The following FARSB variants were observed in gnomAD, a reference collection of about 807,000 sequenced individuals.
FARSB encodes the protein phenylalanine--tRNA ligase beta subunit.
In FARSB, 40 loss-of-function variants were observed where a neutral mutation model predicts 69.6. That is an observed-to-expected ratio of 0.57 (90% CI 0.45 to 0.75). The LOEUF is 0.75. FARSB is among the 30% of genes least tolerant of loss of function. FARSB has a pLI of 0.00. For missense variants in FARSB, 632 were observed against 722.9 expected, an observed-to-expected ratio of 0.87 and a Z score of 1.44; for synonymous variants, 235 against 247.2, an observed-to-expected ratio of 0.95 and a Z score of 0.46.
At chr2:222,649,291 G>GA (rs1304805436) in intron 1 of FARSB, among the ~76,000 whole-genome samples, 5 of 70,156 alleles carry the variant, frequency 7.1e-5, no homozygotes, top group Admixed American at 5.9e-4. Context: ...ATAAAAAAAA[G>GA]AAAAAACTAT....
chr2:222,654,106 C>T (rs1292211837), intron 1 of FARSB, among the ~76,000 whole-genome samples: 1 of 152,144 alleles, frequency 6.6e-6, no homozygotes, highest in Non-Finnish European at 1.5e-5. Flanking sequence ...GAAATGGAGA[C>T]TGGGATGGGA....
chr2:222,603,820 G>T (rs1284403021), intron 15 of FARSB, among the ~76,000 whole-genome samples: 1 of 151,112 alleles, frequency 6.6e-6, no homozygotes, highest in Non-Finnish European at 1.5e-5. Flanking sequence ...TAAAACCCAT[G>T]CTCTTTCCAC....
Position 222,643,016 on chromosome 2 carries a change from C to A in FARSB, c.115-11G>T. ...TTCCTTCTCAGATGTCTAAAACAAG[C>A]CAAAAAGTAATGATAAAAATTAAAT... On this transcript the variant is annotated splice_polypyrimidine_tract_variant and intron_variant, in intron 2 of 16. Coordinates refer to ENST00000281828, the MANE Select transcript of FARSB (RefSeq NM_005687.5). 1.3e-6 allele frequency: 2 copies of A among 1,518,062 alleles called. No individual in the cohort carries two copies. Among genetic ancestry groups the A allele is most frequent in the South Asian group, 1.2e-5 (1 of 81,456 alleles). 94.0% of individuals were successfully genotyped at this position (1,518,062 alleles called of 1,614,324 possible).
At chr2:222,590,994 T>G (rs1041526779) in intron 16 of FARSB, among the ~76,000 whole-genome samples, 1 of 152,106 alleles carries the variant, frequency 6.6e-6, no homozygotes, top group East Asian at 1.9e-4. Context: ...TTTTGGAACA[T>G]AGATAAACTC....
chr2:222,592,841 T>A (rs1375008150), intron 16 of FARSB, among the ~76,000 whole-genome samples: 5 of 152,078 alleles, frequency 3.3e-5, no homozygotes, highest in African/African-American at 1.2e-4. Context: ...AGTGGGAAAT[T>A]AGGGAAATAA....
intron 16 of FARSB, among the ~76,000 whole-genome samples, chr2:222,588,283 A>G (rs1411969124): frequency 2.0e-5 from 3 of 152,252 alleles, no homozygotes; most frequent in Non-Finnish European, 4.4e-5. Context: ...CAATAGATGC[A>G]GAAAAGGCCT....
intron 1 of FARSB, among the ~76,000 whole-genome samples, chr2:222,654,987 A>G (rs927178117): frequency 6.6e-6 from 1 of 152,114 alleles, no homozygotes; most frequent in African/African-American, 2.4e-5. Context: ...TCACGAGGTC[A>G]GGAGTTTAAG....
intron 3 of FARSB, 43 bp from the exon 4 acceptor site, chr2:222,640,974 C>T (rs777624499): frequency 1.2e-5 from 12 of 966,666 alleles, no homozygotes; most frequent in South Asian, 6.2e-5. Flanking sequence ...TTAATCAAGA[C>T]ATTATATAAA....
intron 16 of FARSB, among the ~76,000 whole-genome samples, chr2:222,594,488 G>T (rs565725622): frequency 8.0e-4 from 121 of 152,082 alleles, no homozygotes; most frequent in African/African-American, 2.6e-3. Context: ...ATTTTTAAAA[G>T]TAAGCTTTAC....
chr2:222,609,010 T>TA, intron 15 of FARSB, among the ~76,000 whole-genome samples: 1 of 152,258 alleles, frequency 6.6e-6, no homozygotes, highest in East Asian at 1.9e-4. Context: ...GATTGTATCT[T>TA]ACTAAATCTA....
intron 9 of FARSB, among the ~76,000 whole-genome samples, chr2:222,629,438 A>T (rs1222218273): frequency 6.6e-6 from 1 of 152,218 alleles, no homozygotes; most frequent in African/African-American, 2.4e-5. Context: ...CATGGGATAC[A>T]TGCTTTGCTC....
intron 5 of FARSB, among the ~76,000 whole-genome samples, chr2:222,635,158 G>A (rs1467509616): frequency 6.6e-6 from 1 of 152,110 alleles, no homozygotes; most frequent in Non-Finnish European, 1.5e-5. Context: ...ATTACAGCAA[G>A]CAACAAAATA....
At chr2:222,586,163 C>CA (rs1690107555) in intron 16 of FARSB, among the ~76,000 whole-genome samples, 1 of 152,206 alleles carries the variant, frequency 6.6e-6, no homozygotes, top group Admixed American at 6.5e-5. Flanking sequence ...GCGGATCTCT[C>CA]AGGAGAAACT....
At chr2:222,588,710 C>T (rs2106187469) in intron 16 of FARSB, among the ~76,000 whole-genome samples, 1 of 152,276 alleles carries the variant, frequency 6.6e-6, no homozygotes, top group East Asian at 1.9e-4. Context: ...TTCCTGTACA[C>T]CATTAACAGA....
chr2:222,578,871 A>G (rs963921462), intron 16 of FARSB, among the ~76,000 whole-genome samples: 2 of 152,120 alleles, frequency 1.3e-5, no homozygotes, highest in Admixed American at 6.6e-5. Context: ...AGTCCCAGCT[A>G]CTCAGGAGGC....
chr2:222,595,776 A>AT (rs1308816659), intron 16 of FARSB, among the ~76,000 whole-genome samples: 2 of 152,208 alleles, frequency 1.3e-5, no homozygotes, highest in Non-Finnish European at 2.9e-5. Context: ...CGGCAACCAC[A>AT]TAACTGTTCC....
intron 5 of FARSB, 120 bp downstream of exon 5, chr2:222,639,460 G>A (rs1366104579): frequency 1.1e-5 from 5 of 446,846 alleles, no homozygotes; most frequent in Non-Finnish European, 2.0e-5. Flanking sequence ...AAAGGAAGGA[G>A]AGAGAGAGAA....
chr2:222,649,940 T>C (rs192132037), intron 1 of FARSB, among the ~76,000 whole-genome samples: 12 of 152,284 alleles, frequency 7.9e-5, no homozygotes, highest in Admixed American at 5.2e-4. Flanking sequence ...ACCCACCTTA[T>C]ACCAGGCACT....
intron 7 of FARSB, among the ~76,000 whole-genome samples, chr2:222,632,038 C>T (rs1301082918): frequency 1.4e-5 from 2 of 139,712 alleles, no homozygotes; most frequent in East Asian, 1.9e-4. Context: ...TGCAATGGCA[C>T]GACATGGTGC....
Sources: gnomAD v4.1 joint callset for allele counts (sites outside exome capture counted in the v4.1 genomes callset) on GRCh38, gnomAD v4.1.1 for gene constraint, MANE v1.5 for transcripts, NCBI Gene and HGNC (gene_info 2026-07-23, HGNC 2026-07-21) for gene names.